MAP2: variants seen among roughly 807,000 people sequenced by gnomAD.
MAP2 encodes microtubule-associated protein 2.
Under a neutral mutation model 137.6 loss-of-function variants are expected in MAP2, and 14 were observed. The observed-to-expected ratio is 0.10, with a 90% confidence interval of 0.07 to 0.16. The LOEUF (loss-of-function observed/expected upper bound fraction) is 0.16, where lower values mean the gene tolerates loss of function less well. Ranked by LOEUF, MAP2 falls within the 10% of genes least tolerant of loss-of-function variation. The probability of loss-of-function intolerance (pLI) is 1.00; values close to 1 mark genes in which losing one functional copy is unlikely to be tolerated. For missense variants in MAP2, 2,088 were observed against 2,191.5 expected (o/e 0.95, Z 0.94); for synonymous variants, 786 against 782.3 (o/e 1.00, Z -0.08).
chr2:209,686,454 T>C (rs990807343), intron 7 of MAP2, among the ~76,000 whole-genome samples: 4 of 152,238 alleles, frequency 2.6e-5, no homozygotes, highest in African/African-American at 9.6e-5. Context: ...TATAATTTTG[T>C]CTTCTTAAAA....
chr2:209,440,321 T>A (rs1697444371), intron 1 of MAP2, among the ~76,000 whole-genome samples: 1 of 151,480 alleles, frequency 6.6e-6, no homozygotes, highest in South Asian at 2.1e-4. Flanking sequence ...AAATGGTGAG[T>A]ACTTTTGGAG....
At chr2:209,675,220 C>T (rs1361640124) in intron 5 of MAP2, among the ~76,000 whole-genome samples, 1 of 151,784 alleles carries the variant, frequency 6.6e-6, no homozygotes, top group East Asian at 1.9e-4. Context: ...AAAAAATTTA[C>T]CAATTCTCCC....
At chr2:209,458,777 T>A (rs1702108503) in intron 1 of MAP2, among the ~76,000 whole-genome samples, 1 of 152,152 alleles carries the variant, frequency 6.6e-6, no homozygotes, top group African/African-American at 2.4e-5. Context: ...AGGCATACGA[T>A]GCTCCCTCCA....
In MAP2 at chr2:209,692,689, G is replaced by A. The variant is rs371129624; in HGVS notation, c.519G>A (p.Glu173=). 505 of 1,612,760 alleles carry A rather than the reference G, an allele frequency of 3.1e-4. 2 individuals are homozygous for A. Among genetic ancestry groups the A allele is most frequent in the Non-Finnish European group, 3.5e-4 (409 of 1,179,556 alleles). The change falls in exon 8 of 16, where the codon GAG becomes GAA. Residue 173 remains glutamate, a synonymous_variant. Coordinates refer to ENST00000682079, the MANE Select transcript of MAP2 (RefSeq NM_001375505.1). ...AGGAATTGACTCCCTCTACAGCTGAGCCTTCAGACCAGAAGGAAAAGGAGT... is the reference window on the plus strand; with the variant it reads ...AGGAATTGACTCCCTCTACAGCTGAACCTTCAGACCAGAAGGAAAAGGAGT... The part of the protein sequence containing the change: ...DQQELTPSTA[E]PSDQKEKESE...
At chr2:209,630,747 G>A (rs1393959471) in intron 4 of MAP2, among the ~76,000 whole-genome samples, 5 of 151,880 alleles carry the variant, frequency 3.3e-5, no homozygotes, top group East Asian at 1.9e-4. Flanking sequence ...ATGGATAAAG[G>A]ACTTCTTGAC....
intron 3 of MAP2, among the ~76,000 whole-genome samples, chr2:209,613,058 T>C (rs771701296): frequency 6.6e-6 from 1 of 152,110 alleles, no homozygotes; most frequent in African/African-American, 2.4e-5. Context: ...TAGATCAGGT[T>C]CTCTTACCCC....
chr2:209,548,751 G>C (rs749600567), intron 2 of MAP2, among the ~76,000 whole-genome samples: 6 of 152,122 alleles, frequency 3.9e-5, no homozygotes, highest in African/African-American at 7.2e-5. Flanking sequence ...TACTGAATGA[G>C]TTTTCATGAG....
intron 2 of MAP2, among the ~76,000 whole-genome samples, chr2:209,527,168 C>G (rs184834632): frequency 5.9e-5 from 9 of 152,060 alleles, no homozygotes; most frequent in African/African-American, 2.2e-4. Flanking sequence ...TGGTGGACAT[C>G]GTTCCTGTAT....
intron 14 of MAP2, among the ~76,000 whole-genome samples, chr2:209,727,925 C>T (rs2074646738): frequency 2.0e-5 from 3 of 152,006 alleles, no homozygotes; most frequent in African/African-American, 7.2e-5. Flanking sequence ...TATTATTTTT[C>T]CCTCTCAGAA....
chr2:209,671,600 C>T (rs1185455039), intron 5 of MAP2, among the ~76,000 whole-genome samples: 1 of 151,834 alleles, frequency 6.6e-6, no homozygotes, highest in South Asian at 2.1e-4. Flanking sequence ...CTTCCACAAG[C>T]GTACGGTAAG....
At chr2:209,601,308 G>A (rs949160342) in intron 3 of MAP2, among the ~76,000 whole-genome samples, 1 of 150,784 alleles carries the variant, frequency 6.6e-6, no homozygotes, top group Non-Finnish European at 1.5e-5. Context: ...TAATAATGTA[G>A]GATTTTATTT....
At chr2:209,654,220 C>T (rs2094989907) in intron 5 of MAP2, among the ~76,000 whole-genome samples, 2 of 152,180 alleles carry the variant, frequency 1.3e-5, no homozygotes, top group African/African-American at 4.8e-5. Flanking sequence ...GAACTATTAG[C>T]TCAAGATAGT....
At chr2:209,602,303 T>C (rs1484053671) in intron 3 of MAP2, among the ~76,000 whole-genome samples, 1 of 152,218 alleles carries the variant, frequency 6.6e-6, no homozygotes, top group Non-Finnish European at 1.5e-5. Flanking sequence ...TAAAAACTAT[T>C]AGGATTTTTC....
rs74677284 is a variant in MAP2 at position 209,443,175 on chromosome 2, A to G, written c.-222+18899A>G. On this transcript the variant is annotated intron_variant, in intron 1 of 15. Coordinates refer to ENST00000682079, the MANE Select transcript of MAP2 (RefSeq NM_001375505.1). Reference sequence around the variant, plus strand: ...TTGGCCTCAGAAATACCAATCTACTATAGTCTCCACACATTACTTGCTCTG... The same window carrying G: ...TTGGCCTCAGAAATACCAATCTACTGTAGTCTCCACACATTACTTGCTCTG... 4.6e-3 allele frequency among the ~76,000 whole-genome samples: 696 copies of G among 150,082 alleles called. 29 individuals are homozygous for G. In the East Asian group the frequency reaches 0.1, roughly 21 times the overall value.
At chr2:209,479,398 G>A (rs564980082) in intron 1 of MAP2, among the ~76,000 whole-genome samples, 3 of 152,002 alleles carry the variant, frequency 2.0e-5, no homozygotes, top group Admixed American at 2.0e-4. Flanking sequence ...GTCTATTAAT[G>A]CAATTATATT....
chr2:209,485,902 T>A (rs1413669923), intron 1 of MAP2, among the ~76,000 whole-genome samples: 1 of 152,248 alleles, frequency 6.6e-6, no homozygotes, highest in Non-Finnish European at 1.5e-5. Context: ...GGTTAGGGCC[T>A]AGCTTTCTTG....
At chr2:209,496,173 G>T (rs2059730456) in intron 1 of MAP2, among the ~76,000 whole-genome samples, 1 of 152,056 alleles carries the variant, frequency 6.6e-6, no homozygotes, top group African/African-American at 2.4e-5. Flanking sequence ...CTTTTTCTGG[G>T]GAGTGAGTCA....
At chr2:209,599,203 G>A (rs1189936474) in intron 3 of MAP2, among the ~76,000 whole-genome samples, 2 of 152,138 alleles carry the variant, frequency 1.3e-5, no homozygotes, top group African/African-American at 2.4e-5. Flanking sequence ...GGCCAGTGAT[G>A]GTGAGCATTT....
intron 2 of MAP2, among the ~76,000 whole-genome samples, chr2:209,522,305 G>A (rs1270993758): frequency 2.0e-5 from 3 of 152,082 alleles, no homozygotes; most frequent in Admixed American, 1.3e-4. Context: ...CAAAACCAAT[G>A]GCACCTGTCA....
Sources: allele counts gnomAD v4.1 joint callset (sites outside exome capture counted in the v4.1 genomes callset), GRCh38; gene constraint gnomAD v4.1.1; transcripts MANE v1.5; gene names NCBI Gene and HGNC (gene_info 2026-07-23, HGNC 2026-07-21).